The following XCR1 variants were observed in gnomAD, a reference collection of about 807,000 sequenced individuals.
XCR1 encodes the protein X-C motif chemokine receptor 1.
For missense variants in XCR1, 356 were observed against 424.2 expected (o/e 0.84, Z 1.41); for synonymous variants, 187 against 188.5 (o/e 0.99, Z 0.06).
intron 5 of XCR1, among the ~76,000 whole-genome samples, chr3:46,052,348 G>T (rs760859423): frequency 5.3e-4 from 80 of 152,100 alleles, no homozygotes; most frequent in Non-Finnish European, 9.4e-4. Context: ...TGTTTGTGGG[G>T]CCCGGGTCCA....
chr3:46,067,116 G>A (rs1349490198), intron 3 of XCR1, among the ~76,000 whole-genome samples: 1 of 152,140 alleles, frequency 6.6e-6, no homozygotes, highest in East Asian at 1.9e-4. Flanking sequence ...CTAGGTGCTG[G>A]GGGTTCAAAA....
At chr3:46,064,202 A>G (rs1372341366) in intron 4 of XCR1, among the ~76,000 whole-genome samples, 7 of 152,204 alleles carry the variant, frequency 4.6e-5, no homozygotes, top group Non-Finnish European at 7.3e-5. Context: ...TAATAATACC[A>G]GTATTCAACA....
At chr3:46,064,176 A>G (rs1365094021) in intron 4 of XCR1, among the ~76,000 whole-genome samples, 1 of 152,132 alleles carries the variant, frequency 6.6e-6, no homozygotes, top group Non-Finnish European at 1.5e-5. Flanking sequence ...TCTGGCCCCT[A>G]ATGATTATTT....
At chr3:46,050,469 G>C (rs538118697) in intron 5 of XCR1, among the ~76,000 whole-genome samples, 1 of 152,218 alleles carries the variant, frequency 6.6e-6, no homozygotes, top group South Asian at 2.1e-4. Context: ...CACTTTCTCT[G>C]GAGCAATTTT....
intron 5 of XCR1, among the ~76,000 whole-genome samples, chr3:46,034,614 A>G (rs1257346577): frequency 6.6e-6 from 1 of 152,126 alleles, no homozygotes; most frequent in Non-Finnish European, 1.5e-5. Flanking sequence ...ATATAAATGT[A>G]TGTGTACAAG....
chr3:46,054,029 T>C (rs9882976), exon 5 of XCR1, among the ~76,000 whole-genome samples: 13,734 of 152,066 alleles, frequency 0.09, 2,097 homozygotes, highest in African/African-American at 0.32. Flanking sequence ...CAAAGTCCCT[T>C]TTCTGGGGTG....
intron 5 of XCR1, among the ~76,000 whole-genome samples, chr3:46,043,777 C>T (rs1697577941): frequency 6.6e-6 from 1 of 151,174 alleles, no homozygotes; most frequent in East Asian, 1.9e-4. Flanking sequence ...TGCCTACTTA[C>T]ACTACTTCTA....
intron 5 of XCR1, among the ~76,000 whole-genome samples, chr3:46,045,363 C>T (rs188223390): frequency 2.6e-4 from 39 of 151,616 alleles, no homozygotes; most frequent in East Asian, 1.9e-3. Flanking sequence ...GAGCCGAGAT[C>T]GCGCCAGAGT....
In XCR1 at chr3:46,057,949, T is replaced by TATCCATCC. The variant is rs1249776290; in HGVS notation, c.-182-3880_-182-3879insGGATGGAT. Among the ~76,000 whole-genome samples, 129 of 147,034 alleles carry TATCCATCC rather than the reference T, an allele frequency of 8.8e-4. 1 individual carries two copies. The highest frequency in any genetic ancestry group is 8.3e-3 in the Admixed American group (121 of 14,518). On this transcript the variant is annotated intron_variant, in intron 4 of 5. Coordinates refer to the XCR1 transcript ENST00000683768. ...CTATCTATCTACGCATCCATCTATCTATCTATCTGCCATCTATGTATCTAT... is the reference window on the plus strand; with the variant it reads ...CTATCTATCTACGCATCCATCTATCTATCCATCCATCTATCTGCCATCTATGTATCTAT...
At chr3:46,075,461 T>C (rs1386319564) in intron 2 of XCR1, among the ~76,000 whole-genome samples, 1 of 151,648 alleles carries the variant, frequency 6.6e-6, no homozygotes, top group African/African-American at 2.4e-5. Flanking sequence ...TAAGAGAAAA[T>C]CTTTGAGACC....
chr3:46,071,548 C>G (rs946537097), intron 3 of XCR1, among the ~76,000 whole-genome samples: 13 of 152,058 alleles, frequency 8.5e-5, no homozygotes, highest in African/African-American at 2.9e-4. Context: ...AACATAGATA[C>G]AAAAATCCTC....
intron 5 of XCR1, among the ~76,000 whole-genome samples, chr3:46,034,434 A>C (rs1180310858): frequency 6.7e-6 from 1 of 149,614 alleles, no homozygotes; most frequent in Non-Finnish European, 1.5e-5. Flanking sequence ...CCCAATCTTT[A>C]TACCTTTTAT....
At chr3:46,079,961 T>C (rs1316764963) in intron 1 of XCR1, among the ~76,000 whole-genome samples, 1 of 152,074 alleles carries the variant, frequency 6.6e-6, no homozygotes. Flanking sequence ...TTTAGCCAAG[T>C]CTCTCTGTGA....
intron 4 of XCR1, among the ~76,000 whole-genome samples, chr3:46,061,971 A>G (rs1469010978): frequency 6.6e-6 from 1 of 152,096 alleles, no homozygotes; most frequent in Non-Finnish European, 1.5e-5. Context: ...CATCCCCGGA[A>G]CCCCTAAGGG....
chr3:46,055,963 GTGGGATTCAGT>G (rs1408606876), intron 4 of XCR1, among the ~76,000 whole-genome samples: 6 of 152,232 alleles, frequency 3.9e-5, no homozygotes, highest in African/African-American at 1.4e-4. Flanking sequence ...TGGTGGTTGA[GTGGGATTCAGT>G]CCAACTTGTC....
upstream of XCR1, among the ~76,000 whole-genome samples, chr3:46,031,119 C>T (rs559486402): frequency 5.3e-4 from 67 of 126,696 alleles, no homozygotes; most frequent in Non-Finnish European, 4.9e-4. Context: ...TGGTGGGACA[C>T]GGAACTCCCC....
intron 4 of XCR1, among the ~76,000 whole-genome samples, chr3:46,062,243 G>A (rs1243593261): frequency 6.6e-6 from 1 of 152,172 alleles, no homozygotes; most frequent in African/African-American, 2.4e-5. Flanking sequence ...AGCAGCCATG[G>A]ACATGCCCGC....
chr3:46,042,192 A>G (rs1212622193), intron 5 of XCR1, among the ~76,000 whole-genome samples: 1 of 152,244 alleles, frequency 6.6e-6, no homozygotes, highest in African/African-American at 2.4e-5. Context: ...AGGGAAATTT[A>G]TACTGTAAAT....
chr3:46,078,116 G>A (rs772291829), intron 1 of XCR1, among the ~76,000 whole-genome samples: 5 of 152,096 alleles, frequency 3.3e-5, no homozygotes, highest in East Asian at 3.8e-4. Flanking sequence ...AAGCCTGCTC[G>A]CAACAAAGGC....
Sources: gnomAD v4.1 joint callset for allele counts (sites outside exome capture counted in the v4.1 genomes callset) on GRCh38, gnomAD v4.1.1 for gene constraint, MANE v1.5 for transcripts, NCBI Gene and HGNC (gene_info 2026-07-23, HGNC 2026-07-21) for gene names.